Variants in SLC35F3 observed in about 807,000 individuals in gnomAD.
The protein encoded by SLC35F3 is putative thiamine transporter SLC35F3.
A neutral mutation model predicts 49.9 loss-of-function variants in SLC35F3; 25 were observed. That is an observed-to-expected ratio of 0.50 (90% confidence interval 0.37 to 0.70). The LOEUF is 0.70. Ranked by LOEUF, SLC35F3 falls within the 30% of genes least tolerant of loss-of-function variation. The pLI is 0.00. For synonymous variants in SLC35F3, 275 were observed against 265.4 expected (o/e 1.04, Z -0.35); for missense variants, 525 against 639.8 (o/e 0.82, Z 1.94).
Position 234,273,246 on chromosome 1 carries a change from A to AT in SLC35F3, c.609-35850dup, listed in dbSNP as rs1318766259. ...GTCTGACTGCCAGCTGTGTCTACTT[A>AT]TTTTTACTATCCCTTATACAGGCTG... On this transcript the variant is annotated intron_variant, in intron 3 of 7. Coordinates refer to ENST00000366618, the MANE Select transcript of SLC35F3 (RefSeq NM_173508.4). 2.0e-5 allele frequency among the ~76,000 whole-genome samples: 3 copies of AT among 152,232 alleles called. No homozygotes were observed. In the East Asian group the frequency reaches 5.8e-4, roughly 29 times the overall value.
chr1:234,167,850 G>A (rs779398621), intron 2 of SLC35F3, among the ~76,000 whole-genome samples: 6 of 152,136 alleles, frequency 3.9e-5, no homozygotes, highest in Non-Finnish European at 8.8e-5. Context: ...GTTCCCTAAG[G>A]GACCTGTCTT....
chr1:234,156,799 G>A (rs115535692), intron 2 of SLC35F3, among the ~76,000 whole-genome samples: 2,439 of 152,126 alleles, frequency 0.016, 59 homozygotes, highest in African/African-American at 0.056. Context: ...ATGAAGTACC[G>A]ATACATGATA....
intron 2 of SLC35F3, among the ~76,000 whole-genome samples, chr1:233,921,496 C>T (rs1662058192): frequency 6.6e-6 from 1 of 152,216 alleles, no homozygotes; most frequent in Admixed American, 6.5e-5. Flanking sequence ...ATTACAGTAT[C>T]ATAACGAATA....
intron 3 of SLC35F3, among the ~76,000 whole-genome samples, chr1:234,276,257 A>G (rs953372623): frequency 6.6e-6 from 1 of 152,188 alleles, no homozygotes; most frequent in Non-Finnish European, 1.5e-5. Flanking sequence ...AATCTAGTAT[A>G]TTTCCGGTCC....
chr1:233,915,439 T>C (rs1558177164), intron 2 of SLC35F3, among the ~76,000 whole-genome samples: 1 of 152,156 alleles, frequency 6.6e-6, no homozygotes, highest in African/African-American at 2.4e-5. Flanking sequence ...CCAGCTACTC[T>C]GGAGGCTGAG....
intron 2 of SLC35F3, among the ~76,000 whole-genome samples, chr1:234,217,570 A>G (rs1357910097): frequency 2.7e-5 from 4 of 148,728 alleles, no homozygotes; most frequent in Admixed American, 2.7e-4. Context: ...GAGGGTTTCT[A>G]CAGAGGAATA....
At chr1:233,968,204 A>G (rs966511647) in intron 2 of SLC35F3, among the ~76,000 whole-genome samples, 1 of 152,104 alleles carries the variant, frequency 6.6e-6, no homozygotes, top group Non-Finnish European at 1.5e-5. Flanking sequence ...CTCCATCTTC[A>G]TATCTCCCTG....
intron 2 of SLC35F3, among the ~76,000 whole-genome samples, chr1:234,122,146 G>C (rs918427286): frequency 1.3e-5 from 2 of 152,180 alleles, no homozygotes; most frequent in Non-Finnish European, 2.9e-5. Context: ...TTGCCACACT[G>C]TCTTCCACAG....
At chr1:234,024,098 A>G (rs1054390068) in intron 2 of SLC35F3, among the ~76,000 whole-genome samples, 4 of 152,204 alleles carry the variant, frequency 2.6e-5, no homozygotes, top group African/African-American at 9.6e-5. Flanking sequence ...AAATGCATGC[A>G]TCAAAGTAAT....
chr1:234,205,589 T>A (rs1029138660), intron 2 of SLC35F3, among the ~76,000 whole-genome samples: 1 of 152,196 alleles, frequency 6.6e-6, no homozygotes, highest in Non-Finnish European at 1.5e-5. Flanking sequence ...GAAGCCAGTC[T>A]GAGGGGCAGA....
chr1:234,311,405 C>A (rs1364869867), intron 4 of SLC35F3, among the ~76,000 whole-genome samples: 1 of 152,190 alleles, frequency 6.6e-6, no homozygotes, highest in East Asian at 1.9e-4. Context: ...AGGTAATTTC[C>A]AAAGACTGAA....
chr1:234,261,111 C>T (rs924018759), intron 3 of SLC35F3, among the ~76,000 whole-genome samples: 1 of 152,092 alleles, frequency 6.6e-6, no homozygotes. Context: ...GCAACCCATC[C>T]AGGCTACCTC....
intron 2 of SLC35F3, among the ~76,000 whole-genome samples, chr1:234,147,845 C>G (rs995312586): frequency 6.6e-6 from 1 of 152,180 alleles, no homozygotes; most frequent in Non-Finnish European, 1.5e-5. Context: ...GGGTTCCACC[C>G]CCAGAGTCTC....
At chr1:234,228,654 T>C (rs1193061651) in intron 2 of SLC35F3, among the ~76,000 whole-genome samples, 1 of 152,134 alleles carries the variant, frequency 6.6e-6, no homozygotes, top group Non-Finnish European at 1.5e-5. Context: ...AAAAACACAG[T>C]GTGATCCCAA....
intron 3 of SLC35F3, among the ~76,000 whole-genome samples, chr1:234,305,605 G>A (rs1312376575): frequency 4.6e-5 from 7 of 151,890 alleles, no homozygotes; most frequent in Non-Finnish European, 7.4e-5. Context: ...GGCTGGTCTC[G>A]ATCTCCTGAC....
At chr1:234,179,254 C>A (rs1195133081) in intron 2 of SLC35F3, among the ~76,000 whole-genome samples, 1 of 152,202 alleles carries the variant, frequency 6.6e-6, no homozygotes, top group East Asian at 1.9e-4. Flanking sequence ...GAAGGTCCAT[C>A]TTCTTGGTGA....
intron 7 of SLC35F3, among the ~76,000 whole-genome samples, chr1:234,321,680 A>C (rs1657623469): frequency 6.6e-6 from 1 of 152,178 alleles, no homozygotes; most frequent in Non-Finnish European, 1.5e-5. Flanking sequence ...ACTTACCTGC[A>C]ACATAAAAGG....
chr1:234,161,080 C>T (rs1666220597), intron 2 of SLC35F3, among the ~76,000 whole-genome samples: 1 of 152,158 alleles, frequency 6.6e-6, no homozygotes, highest in Non-Finnish European at 1.5e-5. Context: ...GTAGTGTCAC[C>T]CTGCTCTCAG....
chr1:234,000,606 A>G (rs1334997676), intron 2 of SLC35F3, among the ~76,000 whole-genome samples: 1 of 152,212 alleles, frequency 6.6e-6, no homozygotes, highest in Non-Finnish European at 1.5e-5. Flanking sequence ...TACAAAAGCA[A>G]TTGTTGAGTG....
Sources: allele counts gnomAD v4.1 joint callset (sites outside exome capture counted in the v4.1 genomes callset), GRCh38; gene constraint gnomAD v4.1.1; transcripts MANE v1.5; gene names NCBI Gene and HGNC (gene_info 2026-07-23, HGNC 2026-07-21).